SEMA6A: variants seen among roughly 807,000 people sequenced by gnomAD.
The protein encoded by SEMA6A is semaphorin 6A.
In SEMA6A, 25 loss-of-function variants were observed where a neutral mutation model predicts 96.8. The observed-to-expected ratio is 0.26, with a 90% CI of 0.19 to 0.36. The LOEUF (loss-of-function observed/expected upper bound fraction) is 0.36. SEMA6A is among the 10% of genes least tolerant of loss of function. The probability of loss-of-function intolerance (pLI) is 1.00; values close to 1 mark genes in which losing one functional copy is unlikely to be tolerated. For synonymous variants in SEMA6A, 612 were observed against 518.0 expected (o/e 1.18, Z -2.46); for missense variants, 1,363 against 1,323.1 (o/e 1.03, Z -0.47).
At chr5:116,509,510 G>C (rs954210158) in intron 1 of SEMA6A, among the ~76,000 whole-genome samples, 4 of 152,126 alleles carry the variant, frequency 2.6e-5, no homozygotes, top group African/African-American at 7.2e-5. Flanking sequence ...TAAAATGAAA[G>C]GATATGAAAT....
At chr5:116,461,502 G>C (rs1014210546) in intron 18 of SEMA6A, among the ~76,000 whole-genome samples, 23 of 151,470 alleles carry the variant, frequency 1.5e-4, no homozygotes, top group Non-Finnish European at 3.1e-4. Context: ...AAAAATAAAA[G>C]CCTGAGTTTG....
chr5:116,467,289 T>TGG (rs767156495), intron 18 of SEMA6A, among the ~76,000 whole-genome samples: 33 of 139,926 alleles, frequency 2.4e-4, no homozygotes, highest in Non-Finnish European at 4.2e-4. Context: ...CTAAGAAGAG[T>TGG]GGCAAGGGAT....
intron 1 of SEMA6A, among the ~76,000 whole-genome samples, chr5:116,570,670 T>TA (rs1319826051): frequency 6.6e-6 from 1 of 152,170 alleles, no homozygotes; most frequent in East Asian, 1.9e-4. Context: ...AATCTAGTTC[T>TA]AAAAAAACTT....
At chr5:116,497,462 T>C in intron 3 of SEMA6A, 75 bp from the exon 4 acceptor site, 2 of 890,714 alleles carry the variant, frequency 2.2e-6, no homozygotes, top group Non-Finnish European at 3.6e-6. Flanking sequence ...ATGAGTTATG[T>C]CTTATCAGGG....
At chr5:116,484,317 T>C (rs1319462792) in intron 10 of SEMA6A, among the ~76,000 whole-genome samples, 1 of 152,206 alleles carries the variant, frequency 6.6e-6, no homozygotes, top group East Asian at 1.9e-4. Context: ...GAATCAGTTG[T>C]GAAATCCTTT....
intron 15 of SEMA6A, among the ~76,000 whole-genome samples, chr5:116,476,153 CT>C (rs565529273): frequency 2.6e-5 from 4 of 152,214 alleles, no homozygotes; most frequent in African/African-American, 9.6e-5. Flanking sequence ...ACTCCCAGCC[CT>C]GCCCCAGTCC....
At position 116,447,031 on chromosome 5, in the gene SEMA6A, C is replaced by T. The variant is rs1176891851; in HGVS notation, c.2675G>A (p.Gly892Glu). Residue 892 changes from glycine (G) to glutamate (E), a missense_variant, in exon 19 of 19, where the codon GGA becomes GAA. Coordinates refer to ENST00000343348, the MANE Select transcript of SEMA6A (RefSeq NM_020796.5). ...PQREASLGPP[G>E]ASLSQTGLSK... ...TAGACCGGTCTGAGACAGGGAGGCT[C>T]CCGGGGGACCCAGGGAGGCCTCCCG... 1 of 1,613,776 alleles carries T rather than the reference C, an allele frequency of 6.2e-7. No individual in the cohort carries two copies. Among genetic ancestry groups the T allele is most frequent in the Non-Finnish European group, 8.5e-7 (1 of 1,179,872 alleles).
chr5:116,478,359 AACACAC>A, intron 13 of SEMA6A, 177 bp downstream of exon 13: 1 of 760,216 alleles, frequency 1.3e-6, no homozygotes, highest in African/African-American at 1.8e-5. Context: ...TATCTATATA[AACACAC>A]ACACACACAT....
intron 1 of SEMA6A, among the ~76,000 whole-genome samples, chr5:116,573,369 G>T (rs763601287): frequency 3.3e-5 from 5 of 151,686 alleles, no homozygotes; most frequent in Non-Finnish European, 7.4e-5. Flanking sequence ...GCGCCAGCCC[G>T]GTGCAAAGGG....
Position 116,502,315 on chromosome 5 carries a change from T to A in SEMA6A, c.113A>T (p.Tyr38Phe). ...TGGCTTGTGGCCCACAAACACCGGA[T>A]ACTGTTTTGTATCTGTGAAAAGAGG... ...SISHGNYTKQ[Y>F]PVFVGHKPGR... The change falls in exon 3 of 19, where the codon TAT becomes TTT. Residue 38 changes from tyrosine to phenylalanine, a missense_variant. Physicochemically the swap from Tyr to Phe is conservative, Grantham distance 22. Coordinates refer to ENST00000343348, the MANE Select transcript of SEMA6A (RefSeq NM_020796.5). 2 of 1,613,822 alleles carry A rather than the reference T, an allele frequency of 1.2e-6. No individual in the cohort carries two copies. Among genetic ancestry groups the A allele is most frequent in the Non-Finnish European group, 1.7e-6 (2 of 1,179,786 alleles).
At position 116,447,702 on chromosome 5, in the gene SEMA6A, G is replaced by A. The variant is rs747246599; in HGVS notation, c.2004C>T (p.Ile668=). Residue 668 remains isoleucine (I), a synonymous_variant, in exon 19 of 19, where the codon ATC becomes ATT. Coordinates refer to ENST00000343348, the MANE Select transcript of SEMA6A (RefSeq NM_020796.5). ...AFVMGAVFSG[I]TVYCVCDHRR... is the part of the protein sequence containing the mutation. ...GATGATCACAGACGCAGTAGACGGT[G>A]ATGCCCGAGAAGACGGCCCCCATGA... The A allele has an allele frequency of 3.7e-6, 6 of 1,613,880 alleles. No individual in the cohort carries two copies. The African/African-American group carries it at 8.0e-5, about 22-fold the overall frequency.
At chr5:116,476,069 A>G (rs1756433997) in intron 15 of SEMA6A, among the ~76,000 whole-genome samples, 1 of 152,140 alleles carries the variant, frequency 6.6e-6, no homozygotes, top group African/African-American at 2.4e-5. Flanking sequence ...CTTGGACGAT[A>G]AAGTGTTCAA....
intron 18 of SEMA6A, among the ~76,000 whole-genome samples, chr5:116,450,080 A>C (rs1181339781): frequency 6.6e-6 from 1 of 152,176 alleles, no homozygotes; most frequent in Non-Finnish European, 1.5e-5. Flanking sequence ...ATAGCTACTG[A>C]TTTTTCTTCA....
At chr5:116,567,190 G>T (rs1490346485) in intron 1 of SEMA6A, among the ~76,000 whole-genome samples, 1 of 151,732 alleles carries the variant, frequency 6.6e-6, no homozygotes, top group Non-Finnish European at 1.5e-5. Context: ...CCATGTTTTG[G>T]GTGTGATATT....
chr5:116,495,736 T>C (rs1366890687), intron 5 of SEMA6A: 2 of 474,772 alleles, frequency 4.2e-6, no homozygotes, highest in Non-Finnish European at 7.5e-6. Context: ...TGGAAGATTG[T>C]GTGTTTATTT....
At position 116,486,848 on chromosome 5, in the gene SEMA6A, T is replaced by C. The variant is rs773221955; in HGVS notation, c.863A>G (p.Asp288Gly). ...KARLNCSVPGDSHFYFNILQA... is the reference protein window; with the variant it reads ...KARLNCSVPGGSHFYFNILQA... Reference sequence around the variant, plus strand: ...GAGAATGTTGAAATAAAAATGAGAGTCTCCAGGAACTGAGCAGTTCAAGCG... The same window carrying C: ...GAGAATGTTGAAATAAAAATGAGAGCCTCCAGGAACTGAGCAGTTCAAGCG... Residue 288 changes from aspartate (D) to glycine (G), a missense_variant, in exon 10 of 19, where the codon GAC becomes GGC. Physicochemically the swap from Asp to Gly is moderately conservative, Grantham distance 94. Around this residue, in one of 2 missense-constraint regions of SEMA6A, gnomAD observed 480 missense variants for 559.5 expected, o/e 0.86. Coordinates refer to ENST00000343348, the MANE Select transcript of SEMA6A (RefSeq NM_020796.5). The C allele has an allele frequency of 1.2e-6, 2 of 1,612,756 alleles. No homozygotes were observed. Among genetic ancestry groups the C allele is most frequent in the Admixed American group, 3.3e-5 (2 of 59,906 alleles).
At chr5:116,490,072 T>C (rs760488992) in intron 7 of SEMA6A, among the ~76,000 whole-genome samples, 1 of 152,202 alleles carries the variant, frequency 6.6e-6, no homozygotes, top group Non-Finnish European at 1.5e-5. Context: ...AAAAAACTCA[T>C]ATCCAAATAT....
At chr5:116,481,708 C>G (rs1756781581) in intron 11 of SEMA6A, among the ~76,000 whole-genome samples, 1 of 152,100 alleles carries the variant, frequency 6.6e-6, no homozygotes, top group Admixed American at 6.5e-5. Context: ...TGAGTGCGTG[C>G]CACAGAAGAG....
At position 116,475,144 on chromosome 5, in the gene SEMA6A, G is replaced by A. The variant is rs558207028; in HGVS notation, c.1708+401C>T. Among the ~76,000 whole-genome samples the A allele has an allele frequency of 3.3e-5, 5 of 152,158 alleles. No individual in the cohort carries two copies. The East Asian group carries it at 7.7e-4, about 23-fold the overall frequency. ...GTCGATATGTTCAAGAATAAAACAG[G>A]CCCACTCAATTAAAAAGCTAGAGTA... On this transcript the variant is annotated intron_variant, in intron 16 of 18. Transcript: ENST00000343348.
Sources: gnomAD v4.1 joint callset for allele counts (sites outside exome capture counted in the v4.1 genomes callset) on GRCh38, gnomAD v4.1.1 for gene constraint, gnomAD v4.1.1 regional missense constraint, MANE v1.5 for transcripts, NCBI Gene and HGNC (gene_info 2026-07-23, HGNC 2026-07-21) for gene names.